The following C4orf54 variants were observed in gnomAD, a reference collection of about 807,000 sequenced individuals.
C4orf54 encodes uncharacterized protein C4orf54.
C4orf54 carries 67 observed loss-of-function variants against 80.1 expected under a neutral mutation model. The observed-to-expected ratio is 0.84, with a 90% confidence interval of 0.69 to 1.03. C4orf54 has a LOEUF of 1.03. Ranked by LOEUF, C4orf54 falls within the 50% of genes least tolerant of loss-of-function variation. The probability of loss-of-function intolerance (pLI) is 0.00; values close to 1 mark genes in which losing one functional copy is unlikely to be tolerated. For synonymous variants in C4orf54, 1,000 were observed against 917.0 expected (o/e 1.09, Z -1.64); for missense variants, 2,434 against 2,253.5 (o/e 1.08, Z -1.62).
Position 99,654,448 on chromosome 4 carries a change from G to C in C4orf54, c.201C>G (p.Ser67=). 1 of 721,770 alleles carries C rather than the reference G, an allele frequency of 1.4e-6. No homozygotes were observed. Among genetic ancestry groups the C allele is most frequent in the Non-Finnish European group, 2.5e-6 (1 of 402,172 alleles). 44.7% of individuals were successfully genotyped at this position (721,770 alleles called of 1,614,324 possible). ...PQPQTTSTAS[S]RSLPTSLRLA... ...GCCTGAGGGAGGTGGGAAGGCTCCT[G>C]GATGAGGCGGTGGAGGTGGTCTGTG... The change falls in exon 2 of 3, where the codon TCC becomes TCG. Residue 67 remains serine, a synonymous_variant. Coordinates refer to ENST00000511828, the MANE Select transcript of C4orf54 (RefSeq NM_001354435.2).
At chr4:99,645,728 A>G (rs1216220274) in intron 2 of C4orf54, among the ~76,000 whole-genome samples, 1 of 152,206 alleles carries the variant, frequency 6.6e-6, no homozygotes, top group Non-Finnish European at 1.5e-5. Flanking sequence ...GGGAACATTA[A>G]AAACCAAAAT....
chr4:99,654,276 C>T lies in C4orf54; in HGVS notation c.373G>A (p.Asp125Asn). ...QPLRGQRRTQ[D>N]FPSDHHCLFL... ...AGACAATGGTGATCGCTGGGGAAGT[C>T]TTGGGTCCGTCTCTGGCCCCGGAGG... Residue 125 changes from aspartate (D) to asparagine (N), a missense_variant, in exon 2 of 3, where the codon GAC becomes AAC. Asp to Asn is a conservative substitution (Grantham distance 23). Transcript: ENST00000511828. The T allele has an allele frequency of 6.5e-7, 1 of 1,535,914 alleles. No individual in the cohort carries two copies. Among genetic ancestry groups the T allele is most frequent in the South Asian group, 1.2e-5 (1 of 84,046 alleles).
intron 2 of C4orf54, 37 bp from the exon 3 acceptor site, chr4:99,641,233 G>C (rs1726603040): frequency 6.6e-6 from 1 of 151,758 alleles, no homozygotes; most frequent in Non-Finnish European, 1.5e-5. Flanking sequence ...ACATAGTCAA[G>C]GAAAAGATTT....
At chr4:99,646,509 G>T (rs2110250104) in intron 2 of C4orf54, among the ~76,000 whole-genome samples, 1 of 152,232 alleles carries the variant, frequency 6.6e-6, no homozygotes, top group Admixed American at 6.5e-5. Context: ...CTCCTTTACT[G>T]TCCCTTTTTT....
Position 99,653,918 on chromosome 4 carries a change from T to C in C4orf54, c.731A>G (p.Gln244Arg). 26 of 1,536,284 alleles carry C rather than the reference T, an allele frequency of 1.7e-5. No homozygotes were observed. The highest frequency in any genetic ancestry group is 2.3e-5 in the Non-Finnish European group (26 of 1,146,900). ...GAGTTGGGAGGAGGCAGGATTGTTCTGGGGGCTTGGAGTCTTGCTGCTGGG... is the reference window on the plus strand; with the variant it reads ...GAGTTGGGAGGAGGCAGGATTGTTCCGGGGGCTTGGAGTCTTGCTGCTGGG... ...DEPSSKTPSP[Q>R]NNPASSQLSR... Residue 244 changes from glutamine to arginine, a missense_variant, in exon 2 of 3, where the codon CAG (glutamine) becomes CGG (arginine). By Grantham distance (43) the Gln-to-Arg change is conservative (BLOSUM62 1). Coordinates refer to ENST00000511828, the MANE Select transcript of C4orf54 (RefSeq NM_001354435.2).
At chr4:99,644,747 TAA>T (rs35275073) in intron 2 of C4orf54, among the ~76,000 whole-genome samples, 16 of 132,558 alleles carry the variant, frequency 1.2e-4, no homozygotes, top group Admixed American at 2.3e-4. Context: ...ATGATAATAA[TAA>T]AAAAAAAAAC....
chr4:99,641,854 T>G (rs1160700856), intron 2 of C4orf54, among the ~76,000 whole-genome samples: 1 of 152,114 alleles, frequency 6.6e-6, no homozygotes, highest in African/African-American at 2.4e-5. Context: ...GGAGTTGATA[T>G]TTGAACATAA....
Position 99,651,687 on chromosome 4 carries a change from A to G in C4orf54, c.2962T>C (p.Ser988Pro). The G allele has an allele frequency of 6.5e-7, 1 of 1,535,884 alleles. No individual in the cohort carries two copies. Among genetic ancestry groups the G allele is most frequent in the East Asian group, 2.4e-5 (1 of 40,890 alleles). ...TGGATGTTGGGGACAAAGAGGCGAG[A>G]CATGATGGTGTTCTTGCTGGCAGAA... ...EISASKNTIMSRLFVPNIQQT... is the reference protein window; with the variant it reads ...EISASKNTIMPRLFVPNIQQT... The change falls in exon 2 of 3, where the codon TCT (serine) becomes CCT (proline). Residue 988 changes from serine to proline, a missense_variant. Ser to Pro is a moderately conservative substitution (Grantham distance 74, BLOSUM62 -1). Coordinates refer to ENST00000511828, the MANE Select transcript of C4orf54 (RefSeq NM_001354435.2).
chr4:99,643,235 T>C (rs997637375), intron 2 of C4orf54, among the ~76,000 whole-genome samples: 1 of 152,168 alleles, frequency 6.6e-6, no homozygotes, highest in Non-Finnish European at 1.5e-5. Context: ...GGTTTTATAA[T>C]TCAGTCTTCA....
rs1430252942 is a variant in C4orf54, at chr4:99,650,966, G to GT, written c.3682dup (p.Thr1228AsnfsTer70). 1 of 1,536,110 alleles carries GT rather than the reference G, an allele frequency of 6.5e-7. No homozygotes were observed. The highest frequency in any genetic ancestry group is 1.2e-5 in the South Asian group (1 of 84,034). On this transcript the variant is annotated frameshift_variant, in exon 2 of 3. Transcript: ENST00000511828. LOFTEE classifies it high-confidence loss of function. The stretch of plus-strand genomic sequence containing the variant: ...CTTGAGCTTCTCTGGGGTCTTCTGG[G>GT]TGGAAGCCTTGGAGACAATCTTGAG...
In C4orf54 at chr4:99,638,472, A is replaced by C. The variant is rs569775224; in HGVS notation, c.*2761T>G. 3.9e-5 allele frequency: 6 copies of C among 152,292 alleles called. No homozygotes were observed. Among genetic ancestry groups the C allele is most frequent in the African/African-American group, 1.4e-4 (6 of 41,576 alleles). The allele number at this position is 152,292 out of a possible 1,614,324, so 9.4% of individuals were successfully genotyped here. On this transcript the variant is annotated 3_prime_UTR_variant, in exon 3 of 3. Coordinates refer to ENST00000511828, the MANE Select transcript of C4orf54 (RefSeq NM_001354435.2). ...ACATATAACCCTAAGAGGATATTATAAAAGCCAGACTCTGCAATTCTGATT... is the reference window on the plus strand; with the variant it reads ...ACATATAACCCTAAGAGGATATTATCAAAGCCAGACTCTGCAATTCTGATT...
Position 99,653,358 on chromosome 4 carries a change from A to AGCTG in C4orf54, c.1287_1290dup (p.Cys431GlnfsTer46). On this transcript the variant is annotated frameshift_variant, in exon 2 of 3. Transcript: ENST00000511828. LOFTEE classifies it high-confidence loss of function. ...GTGCTGGGAGTGGTGCTGAGGTAGC[A>AGCTG]GCTGTTGTCGTCGTCCTCTTCGGTC... The AGCTG allele has an allele frequency of 6.5e-7, 1 of 1,536,072 alleles. No homozygotes were observed. The highest frequency in any genetic ancestry group is 8.7e-7 in the Non-Finnish European group (1 of 1,146,704).
Position 99,650,410 on chromosome 4 carries a change from GC to G in C4orf54, c.4238del (p.Gly1413AlafsTer39). The G allele has an allele frequency of 6.5e-7, 1 of 1,536,088 alleles. No homozygotes were observed. The highest frequency in any genetic ancestry group is 8.7e-7 in the Non-Finnish European group (1 of 1,146,902). ...CCGGAGAAGGCCCTTGTGGGAACTT[GC>G]CAGCGACACCCCCAGTTTTCTGGAT... is the stretch of plus-strand genomic sequence containing the variant. ...SSIQKTGGVA[G>X]KFPQGPSPES... On this transcript the variant is annotated frameshift_variant, in exon 2 of 3. Transcript: ENST00000511828. LOFTEE classifies it high-confidence loss of function.
rs1408736275 is a variant in C4orf54 at position 99,649,817 on chromosome 4, T to A, written c.4832A>T (p.Lys1611Met). ...GCCTGTTGTCACATCCAGGAGCATC[T>A]TACGCTGGGTCTGTTGAGGCTGTGC... ...QQAQPQQTQR[K>M]MLLDVTTGQY... Residue 1611 changes from lysine to methionine, a missense_variant, in exon 2 of 3, where the codon AAG becomes ATG. Transcript: ENST00000511828. 1 of 1,535,958 alleles carries A rather than the reference T, an allele frequency of 6.5e-7. No homozygotes were observed. The highest frequency in any genetic ancestry group is 2.4e-5 in the East Asian group (1 of 40,906).
In C4orf54 at chr4:99,651,693, T is replaced by C. The variant is rs1726831669; in HGVS notation, c.2956A>G (p.Ile986Val). The C allele has an allele frequency of 6.5e-7, 1 of 1,535,908 alleles. No individual in the cohort carries two copies. Among genetic ancestry groups the C allele is most frequent in the Non-Finnish European group, 8.7e-7 (1 of 1,146,894 alleles). The change falls in exon 2 of 3, where the codon ATC becomes GTC. Residue 986 changes from isoleucine (I) to valine (V), a missense_variant. Coordinates refer to ENST00000511828, the MANE Select transcript of C4orf54 (RefSeq NM_001354435.2). Reference sequence around the variant, plus strand: ...TTGGGGACAAAGAGGCGAGACATGATGGTGTTCTTGCTGGCAGAAATCTCC... The same window carrying C: ...TTGGGGACAAAGAGGCGAGACATGACGGTGTTCTTGCTGGCAGAAATCTCC... ...LGEISASKNT[I>V]MSRLFVPNIQ...
At position 99,638,411 on chromosome 4, in the gene C4orf54, C is replaced by T. The variant is rs1726548054; in HGVS notation, c.*2822G>A. The T allele has an allele frequency of 6.6e-6, 1 of 151,948 alleles. No individual in the cohort carries two copies. Among genetic ancestry groups the T allele is most frequent in the Admixed American group, 6.6e-5 (1 of 15,244 alleles). 9.4% of individuals were successfully genotyped at this position (151,948 alleles called of 1,614,324 possible). ...ATTTCAAATATGACCATTTTATCAACAAGTAAAAAGTGGATCTTCTGGAAA... is the reference window on the plus strand; with the variant it reads ...ATTTCAAATATGACCATTTTATCAATAAGTAAAAAGTGGATCTTCTGGAAA... On this transcript the variant is annotated 3_prime_UTR_variant, in exon 3 of 3. Transcript: ENST00000511828.
In C4orf54 at chr4:99,653,697, C is replaced by T. The variant is rs534969379; in HGVS notation, c.952G>A (p.Val318Met). 28 of 1,530,134 alleles carry T rather than the reference C, an allele frequency of 1.8e-5. No homozygotes were observed. In the South Asian group the frequency reaches 1.9e-4, roughly 11 times the overall value. The allele number at this position is 1,530,134 out of a possible 1,614,324, so 94.8% of individuals were successfully genotyped here. The change falls in exon 2 of 3, where the codon GTG becomes ATG. Residue 318 changes from valine (V) to methionine (M), a missense_variant. Coordinates refer to ENST00000511828, the MANE Select transcript of C4orf54 (RefSeq NM_001354435.2). ...ESGESEGCQAVGGEGEKISGG... is the reference protein window; with the variant it reads ...ESGESEGCQAMGGEGEKISGG... Reference sequence around the variant, plus strand: ...GATATTTTCTCTCCTTCTCCTCCCACGGCCTGGCAACCTTCACTTTCACCA... The same window carrying T: ...GATATTTTCTCTCCTTCTCCTCCCATGGCCTGGCAACCTTCACTTTCACCA...
rs976887921 is a variant in C4orf54 at position 99,649,083 on chromosome 4, G to A, written c.*36+148C>T. 1.8e-5 allele frequency: 15 copies of A among 821,750 alleles called. No individual in the cohort carries two copies. The African/African-American group carries it at 2.4e-4, about 13-fold the overall frequency. 50.9% of individuals were successfully genotyped at this position (821,750 alleles called of 1,614,324 possible). On this transcript the variant is annotated intron_variant, in intron 2 of 2. Coordinates refer to ENST00000511828, the MANE Select transcript of C4orf54 (RefSeq NM_001354435.2). ...GAATCCTGGCAAAATTATCCCCTTT[G>A]TAAATTGGATGCAGTTTTGTTCTAT... is the stretch of plus-strand genomic sequence containing the variant.
rs1294682326 is a variant in C4orf54 at position 99,636,598 on chromosome 4, A to G, written c.*4635T>C. 1 of 152,192 alleles carries G rather than the reference A, an allele frequency of 6.6e-6. No homozygotes were observed. The highest frequency in any genetic ancestry group is 6.5e-5 in the Admixed American group (1 of 15,272). The allele number at this position is 152,192 out of a possible 1,614,324, so 9.4% of individuals were successfully genotyped here. ...ATTTTTTTTCCAAAACAGTCAAAAT[A>G]AAAGACCATTACACAAGATTGCACA... On this transcript the variant is annotated 3_prime_UTR_variant, in exon 3 of 3. Coordinates refer to ENST00000511828, the MANE Select transcript of C4orf54 (RefSeq NM_001354435.2).
Sources: gnomAD v4.1 joint callset for allele counts (sites outside exome capture counted in the v4.1 genomes callset) on GRCh38, gnomAD v4.1.1 for gene constraint, MANE v1.5 for transcripts, NCBI Gene and HGNC (gene_info 2026-07-23, HGNC 2026-07-21) for gene names.